TBC1D23: variants seen among roughly 807,000 people sequenced by gnomAD.
The protein encoded by TBC1D23 is HCV non-structural protein 4A-transactivated protein 1.
In TBC1D23, 55 loss-of-function variants were observed where a neutral mutation model predicts 91.4. That is an observed-to-expected ratio of 0.60 (90% CI 0.48 to 0.75). The LOEUF (loss-of-function observed/expected upper bound fraction) is 0.75. Among genes scored for constraint, TBC1D23 ranks in the 30% least tolerant of loss-of-function variants. The probability of loss-of-function intolerance (pLI) is 0.00; values close to 1 mark genes in which losing one functional copy is unlikely to be tolerated. For missense variants in TBC1D23, 725 were observed against 836.1 expected (o/e 0.87, Z 1.64); for synonymous variants, 289 against 281.0 (o/e 1.03, Z -0.28).
chr3:100,308,750 G>A (rs2148867751), intron 13 of TBC1D23, among the ~76,000 whole-genome samples: 1 of 152,270 alleles, frequency 6.6e-6, no homozygotes, highest in South Asian at 2.1e-4. Context: ...AATAATATGA[G>A]TTTGTAATGG....
chr3:100,322,886 A>T (rs763115537), intron 18 of TBC1D23, among the ~76,000 whole-genome samples: 1 of 152,108 alleles, frequency 6.6e-6, no homozygotes, highest in African/African-American at 2.4e-5. Context: ...TGCCTCGCAT[A>T]TAACACTCAT....
At chr3:100,310,310 T>C (rs1705603614) in intron 13 of TBC1D23, 93 bp from the exon 14 acceptor site, 1 of 1,123,170 alleles carries the variant, frequency 8.9e-7, no homozygotes. Context: ...TTTGGTGGGA[T>C]TGCAATTCAG....
chr3:100,316,200 A>C lies in TBC1D23; in HGVS notation c.1687+13A>C. On this transcript the variant is annotated intron_variant, in intron 16 of 18. Transcript: ENST00000394144. The stretch of plus-strand genomic sequence containing the variant: ...GAATACGACACAGGTGTAGTAATAC[A>C]CTTAGCTACAGACAGCTTTGCTGTC... The C allele has an allele frequency of 6.3e-7, 1 of 1,588,838 alleles. No homozygotes were observed. Among genetic ancestry groups the C allele is most frequent in the Non-Finnish European group, 8.6e-7 (1 of 1,156,852 alleles).
At chr3:100,272,947 C>G (rs1279979907) in intron 1 of TBC1D23, among the ~76,000 whole-genome samples, 1 of 152,142 alleles carries the variant, frequency 6.6e-6, no homozygotes, top group African/African-American at 2.4e-5. Context: ...ATTCCATTGC[C>G]CAGGGACGGG....
intron 10 of TBC1D23, 35 bp downstream of exon 10, chr3:100,299,366 A>G: frequency 6.5e-6 from 9 of 1,393,938 alleles, no homozygotes; most frequent in Non-Finnish European, 9.0e-6. Context: ...TTCTTAAAGT[A>G]ACTTTTTTTC....
chr3:100,291,206 T>C (rs2148859064), intron 5 of TBC1D23, among the ~76,000 whole-genome samples: 1 of 152,320 alleles, frequency 6.6e-6, no homozygotes, highest in South Asian at 2.1e-4. Flanking sequence ...TTACTTTAGG[T>C]CAGTGGTCCT....
At chr3:100,277,176 A>T (rs967764070) in intron 1 of TBC1D23, among the ~76,000 whole-genome samples, 1 of 152,186 alleles carries the variant, frequency 6.6e-6, no homozygotes, top group African/African-American at 2.4e-5. Context: ...TCTATTTGGG[A>T]GCTAAATGCT....
intron 2 of TBC1D23, among the ~76,000 whole-genome samples, chr3:100,281,334 T>TA (rs984754845): frequency 4.6e-5 from 7 of 151,994 alleles, no homozygotes; most frequent in Non-Finnish European, 7.4e-5. Flanking sequence ...TTTTACATTT[T>TA]AAAAAAAACC....
rs778864249 is a variant in TBC1D23 at position 100,283,554 on chromosome 3, TA to T, written c.272-51del. 135 of 1,228,384 alleles carry T rather than the reference TA, an allele frequency of 1.1e-4. 1 individual carries two copies. The East Asian group carries it at 1.5e-3, about 14-fold the overall frequency. The allele number at this position is 1,228,384 out of a possible 1,614,324, so 76.1% of individuals were successfully genotyped here. Reference sequence around the variant, plus strand: ...ATTTGTAAACAAGTGTTATGTCCAATAACAGCCCCTGACAGGCCCTCAGTAA... The same window carrying T: ...ATTTGTAAACAAGTGTTATGTCCAATACAGCCCCTGACAGGCCCTCAGTAA... On this transcript the variant is annotated intron_variant, in intron 3 of 18. Coordinates refer to ENST00000394144, the MANE Select transcript of TBC1D23 (RefSeq NM_001199198.3).
chr3:100,271,217 G>A (rs542633011), intron 1 of TBC1D23, among the ~76,000 whole-genome samples: 26 of 152,266 alleles, frequency 1.7e-4, no homozygotes, highest in African/African-American at 6.3e-4. Flanking sequence ...AGAAATGGAA[G>A]TGGGTTGGCA....
At chr3:100,304,794 T>A in intron 11 of TBC1D23, 52 bp from the exon 12 acceptor site, 1 of 902,706 alleles carries the variant, frequency 1.1e-6, no homozygotes, top group Non-Finnish European at 1.9e-6. Flanking sequence ...CTAGCTAAAG[T>A]TTTAATTAAG....
intron 15 of TBC1D23, 75 bp downstream of exon 15, chr3:100,311,952 A>T: frequency 9.9e-7 from 1 of 1,006,900 alleles, no homozygotes; most frequent in Non-Finnish European, 1.5e-6. Flanking sequence ...TATAAGCCTC[A>T]TGCTGTCTTG....
chr3:100,281,238 G>C (rs946995326), intron 2 of TBC1D23, among the ~76,000 whole-genome samples: 1 of 151,958 alleles, frequency 6.6e-6, no homozygotes, highest in African/African-American at 2.4e-5. Flanking sequence ...TGTTTTTATG[G>C]GTGATTTGTT....
intron 9 of TBC1D23, among the ~76,000 whole-genome samples, chr3:100,298,579 G>C (rs904153628): frequency 1.1e-4 from 16 of 152,146 alleles, no homozygotes; most frequent in Non-Finnish European, 2.1e-4. Context: ...GTATTTCCAA[G>C]GTTGAGGGCA....
intron 12 of TBC1D23, among the ~76,000 whole-genome samples, chr3:100,305,784 G>A (rs544230651): frequency 1.8e-4 from 27 of 152,248 alleles, no homozygotes; most frequent in African/African-American, 5.8e-4. Flanking sequence ...CATACCCAGA[G>A]TGATGTACAA....
chr3:100,279,375 CA>C (rs1426918730), intron 1 of TBC1D23: 1 of 265,706 alleles, frequency 3.8e-6, no homozygotes, highest in Non-Finnish European at 7.2e-6. Context: ...TATGACTTCA[CA>C]GTGCTGTCAG....
chr3:100,296,474 C>T (rs377568096), intron 8 of TBC1D23, among the ~76,000 whole-genome samples, 199 bp downstream of exon 8: 26 of 151,786 alleles, frequency 1.7e-4, no homozygotes, highest in South Asian at 2.1e-4. Flanking sequence ...GATAGTAGAA[C>T]GCATCTTACC....
chr3:100,264,936 G>C (rs2067545913), intron 1 of TBC1D23, among the ~76,000 whole-genome samples: 1 of 152,200 alleles, frequency 6.6e-6, no homozygotes, highest in Non-Finnish European at 1.5e-5. Flanking sequence ...GGTGGAACTT[G>C]AGAGTCTCTG....
intron 4 of TBC1D23, among the ~76,000 whole-genome samples, chr3:100,288,179 G>A (rs1235668709): frequency 2.6e-5 from 4 of 151,038 alleles, no homozygotes; most frequent in Non-Finnish European, 5.9e-5. Context: ...CAGGGAGGTC[G>A]AGGCTGAAGT....
Sources: allele counts gnomAD v4.1 joint callset (sites outside exome capture counted in the v4.1 genomes callset), GRCh38; gene constraint gnomAD v4.1.1; transcripts MANE v1.5; gene names NCBI Gene and HGNC (gene_info 2026-07-23, HGNC 2026-07-21).